The following RGS6 variants were observed in gnomAD, a reference collection of about 807,000 sequenced individuals.
RGS6 encodes the protein regulator of G protein signaling 6.
Under a neutral mutation model 78.5 loss-of-function variants are expected in RGS6, and 30 were observed. The observed-to-expected ratio is 0.38, with a 90% confidence interval of 0.29 to 0.52. RGS6 has a LOEUF of 0.52. Among genes scored for constraint, RGS6 ranks in the 20% least tolerant of loss-of-function variants. RGS6 has a pLI of 0.85. For missense variants in RGS6, 495 were observed against 609.7 expected, an observed-to-expected ratio of 0.81 and a Z score of 1.98; for synonymous variants, 206 against 206.0, an observed-to-expected ratio of 1.00 and a Z score of 0.00.
At chr14:72,264,515 C>G (rs2058709810) in intron 2 of RGS6, among the ~76,000 whole-genome samples, 1 of 152,122 alleles carries the variant, frequency 6.6e-6, no homozygotes, top group Non-Finnish European at 1.5e-5. Flanking sequence ...AGTACTCTCA[C>G]CAAAGAAGAT....
upstream of RGS6, among the ~76,000 whole-genome samples, chr14:71,931,926 A>G (rs926988575): frequency 4.6e-5 from 7 of 152,210 alleles, no homozygotes; most frequent in African/African-American, 1.7e-4. Flanking sequence ...ATACATAAAA[A>G]TGACGAGGTT....
intron 2 of RGS6, among the ~76,000 whole-genome samples, chr14:72,127,354 CTT>C (rs1212646466): frequency 6.6e-6 from 1 of 152,154 alleles, no homozygotes; most frequent in Non-Finnish European, 1.5e-5. Flanking sequence ...TGCACTAAAT[CTT>C]TGTCTCCAGT....
At chr14:72,067,855 T>G (rs2094225613) in intron 2 of RGS6, among the ~76,000 whole-genome samples, 1 of 152,180 alleles carries the variant, frequency 6.6e-6, no homozygotes, top group African/African-American at 2.4e-5. Flanking sequence ...GAGGATGGTC[T>G]AGAGGCCAGC....
intron 3 of RGS6, among the ~76,000 whole-genome samples, chr14:72,425,017 A>G (rs576852131): frequency 5.7e-4 from 87 of 152,352 alleles, no homozygotes; most frequent in South Asian, 2.7e-3. Flanking sequence ...TGTTTGCTGA[A>G]TGAATGAATA....
At chr14:72,136,994 T>C (rs1378248699) in intron 2 of RGS6, among the ~76,000 whole-genome samples, 2 of 152,170 alleles carry the variant, frequency 1.3e-5, no homozygotes, top group Non-Finnish European at 2.9e-5. Context: ...TTCTCATGTT[T>C]TTCATTCCAA....
the RGS6 span, among the ~76,000 whole-genome samples, chr14:72,582,437 A>C: frequency 6.6e-6 from 1 of 152,342 alleles, no homozygotes; most frequent in Non-Finnish European, 1.5e-5. Context: ...CATGGAAAAA[A>C]ATGGAAAAGG....
At position 72,352,091 on chromosome 14, in the gene RGS6, T is replaced by G. The variant is rs553679413; in HGVS notation, c.85-4T>G. On this transcript the variant is annotated splice_region_variant and splice_polypyrimidine_tract_variant and intron_variant, in intron 2 of 17. Transcript: ENST00000553525. ...TAACACTTCTTTTCTTTAACCTCTT[T>G]CAGATTGAAGACATCATTACAAAGA... is the stretch of plus-strand genomic sequence containing the variant. The G allele has an allele frequency of 3.1e-6, 5 of 1,606,228 alleles. No individual in the cohort carries two copies. Among genetic ancestry groups the G allele is most frequent in the Non-Finnish European group, 4.3e-6 (5 of 1,175,156 alleles).
At chr14:71,897,729 C>A in the RGS6 span, among the ~76,000 whole-genome samples, 18 of 152,146 alleles carry the variant, frequency 1.2e-4, no homozygotes, top group East Asian at 3.1e-3. Flanking sequence ...CCATCTTAGC[C>A]AAGATGGTCT....
chr14:71,903,497 T>C, the RGS6 span, among the ~76,000 whole-genome samples: 2 of 152,236 alleles, frequency 1.3e-5, no homozygotes, highest in African/African-American at 4.8e-5. Flanking sequence ...TCCAGTTTGC[T>C]GGGTTCAGAA....
chr14:71,929,144 C>A (rs2087763671), upstream of RGS6, among the ~76,000 whole-genome samples: 1 of 152,164 alleles, frequency 6.6e-6, no homozygotes, highest in Non-Finnish European at 1.5e-5. Flanking sequence ...CTACTACATA[C>A]CTTGAGTACA....
intron 2 of RGS6, among the ~76,000 whole-genome samples, chr14:72,278,172 T>C (rs2060993943): frequency 1.3e-5 from 2 of 152,202 alleles, no homozygotes; most frequent in African/African-American, 4.8e-5. Flanking sequence ...GTTGGTGTTA[T>C]CTTTAACATA....
At chr14:72,122,609 T>C (rs975926453) in intron 2 of RGS6, among the ~76,000 whole-genome samples, 4 of 152,164 alleles carry the variant, frequency 2.6e-5, no homozygotes, top group Admixed American at 2.6e-4. Context: ...CAGGAGGTTC[T>C]CTAGGAATTT....
intron 2 of RGS6, among the ~76,000 whole-genome samples, chr14:72,138,601 C>T (rs2096488511): frequency 6.6e-6 from 1 of 151,920 alleles, no homozygotes; most frequent in Admixed American, 6.6e-5. Context: ...AGGAACTGGA[C>T]CACACAGCAG....
upstream of RGS6, among the ~76,000 whole-genome samples, chr14:71,927,675 TGA>T (rs2087735623): frequency 6.6e-6 from 1 of 151,814 alleles, no homozygotes; most frequent in African/African-American, 2.4e-5. Flanking sequence ...TTTTTTTTTT[TGA>T]GACGGAGTTT....
chr14:72,531,108 G>A (rs540784438), intron 15 of RGS6, among the ~76,000 whole-genome samples: 6 of 152,124 alleles, frequency 3.9e-5, no homozygotes, highest in African/African-American at 1.2e-4. Context: ...ATCAGAATAC[G>A]TCTGGACTAT....
intron 2 of RGS6, among the ~76,000 whole-genome samples, chr14:71,974,045 C>G (rs550269707): frequency 2.8e-4 from 42 of 152,236 alleles, no homozygotes; most frequent in Non-Finnish European, 5.3e-4. Context: ...TTTAATCTTT[C>G]CAATTTCTCC....
At chr14:71,883,103 G>T in the RGS6 span, among the ~76,000 whole-genome samples, 1 of 152,168 alleles carries the variant, frequency 6.6e-6, no homozygotes. Flanking sequence ...CTCTGAAAAA[G>T]GAATTTCAGG....
chr14:71,997,446 A>G (rs1265538204), intron 2 of RGS6, among the ~76,000 whole-genome samples: 3 of 152,246 alleles, frequency 2.0e-5, no homozygotes, highest in African/African-American at 4.8e-5. Flanking sequence ...AGAAGGACAT[A>G]GATAAAATTA....
intron 2 of RGS6, among the ~76,000 whole-genome samples, chr14:72,149,908 C>G (rs1377953201): frequency 1.3e-5 from 2 of 152,110 alleles, no homozygotes; most frequent in Non-Finnish European, 2.9e-5. Flanking sequence ...CTCCTTTATC[C>G]TTTAGCAGAT....
Sources: gnomAD v4.1 joint callset for allele counts (sites outside exome capture counted in the v4.1 genomes callset) on GRCh38, gnomAD v4.1.1 for gene constraint, MANE v1.5 for transcripts, NCBI Gene and HGNC (gene_info 2026-07-23, HGNC 2026-07-21) for gene names.